Variants in SPMIP2 observed in about 807,000 individuals in gnomAD.
SPMIP2 encodes the protein sperm microtubule inner protein 2, also known as protein SPMIP2.
the SPMIP2 span, among the ~76,000 whole-genome samples, chr4:159,076,352 T>A: frequency 6.6e-6 from 1 of 152,232 alleles, no homozygotes; most frequent in African/African-American, 2.4e-5. Flanking sequence ...CAGCAAGCTA[T>A]AATTAATTTC....
chr4:159,037,547 G>T, the SPMIP2 span, among the ~76,000 whole-genome samples: 1 of 151,720 alleles, frequency 6.6e-6, no homozygotes, highest in Non-Finnish European at 1.5e-5. Flanking sequence ...GGGAGGTCGA[G>T]ATGGGTGAAT....
chr4:158,973,346 C>T, the SPMIP2 span: 3 of 1,317,328 alleles, frequency 2.3e-6, no homozygotes, highest in African/African-American at 1.5e-5. Flanking sequence ...AACTTCTCCA[C>T]ACTTTATTCT....
chr4:159,045,465 T>C, the SPMIP2 span, among the ~76,000 whole-genome samples: 2 of 152,218 alleles, frequency 1.3e-5, no homozygotes, highest in Non-Finnish European at 2.9e-5. Flanking sequence ...TCTTTATTAT[T>C]TTTAGGCCAT....
the SPMIP2 span, among the ~76,000 whole-genome samples, chr4:159,042,999 C>A: frequency 6.6e-6 from 1 of 152,106 alleles, no homozygotes; most frequent in Non-Finnish European, 1.5e-5. Flanking sequence ...TCTACTCTGA[C>A]CCCCAGGTCT....
chr4:159,079,460 G>A, the SPMIP2 span, among the ~76,000 whole-genome samples: 8 of 152,166 alleles, frequency 5.3e-5, no homozygotes, highest in East Asian at 1.9e-4. Flanking sequence ...CCAGAACTGC[G>A]AGAAATAAAT....
the SPMIP2 span, among the ~76,000 whole-genome samples, chr4:159,012,998 A>G: frequency 5.9e-5 from 9 of 152,330 alleles, no homozygotes; most frequent in East Asian, 1.9e-4. Context: ...TTAACTTTAC[A>G]TGTTTGAATA....
At chr4:159,053,221 G>T in the SPMIP2 span, among the ~76,000 whole-genome samples, 1 of 152,042 alleles carries the variant, frequency 6.6e-6, no homozygotes, top group Non-Finnish European at 1.5e-5. Context: ...CTCCCAAAGT[G>T]CTGGGATTAC....
chr4:158,908,453 C>T, the SPMIP2 span, among the ~76,000 whole-genome samples: 2 of 152,118 alleles, frequency 1.3e-5, no homozygotes, highest in Non-Finnish European at 2.9e-5. Context: ...TCCAGGAATG[C>T]AATTGTTGTA....
the SPMIP2 span, among the ~76,000 whole-genome samples, chr4:158,948,582 A>G: frequency 7.1e-6 from 1 of 141,710 alleles, no homozygotes; most frequent in African/African-American, 2.8e-5. Context: ...ACATGCCTGT[A>G]TGTGGTTTGT....
the SPMIP2 span, among the ~76,000 whole-genome samples, chr4:158,963,126 G>C: frequency 6.6e-6 from 1 of 152,006 alleles, no homozygotes; most frequent in Admixed American, 6.6e-5. Flanking sequence ...TAGTGTGCTT[G>C]TAACACTATA....
At chr4:158,910,383 C>G in the SPMIP2 span, among the ~76,000 whole-genome samples, 1 of 152,022 alleles carries the variant, frequency 6.6e-6, no homozygotes. Context: ...AGGCGATTCT[C>G]CTGCCTCAGC....
the SPMIP2 span, among the ~76,000 whole-genome samples, chr4:158,931,525 G>A: frequency 6.6e-6 from 1 of 151,878 alleles, no homozygotes; most frequent in Non-Finnish European, 1.5e-5. Flanking sequence ...CCAAAGTACT[G>A]GGATAATAGG....
the SPMIP2 span, among the ~76,000 whole-genome samples, chr4:159,042,790 G>A: frequency 6.6e-6 from 1 of 152,026 alleles, no homozygotes; most frequent in African/African-American, 2.4e-5. Context: ...AGCCTCCCGA[G>A]TAGCTGGGAC....
At chr4:158,924,735 T>A in the SPMIP2 span, among the ~76,000 whole-genome samples, 2 of 151,898 alleles carry the variant, frequency 1.3e-5, no homozygotes, top group Non-Finnish European at 2.9e-5. Context: ...TACTTGAACT[T>A]CTAGGCCCAA....
chr4:158,964,148 A>G, the SPMIP2 span, among the ~76,000 whole-genome samples: 3 of 121,494 alleles, frequency 2.5e-5, no homozygotes, highest in African/African-American at 5.7e-5. Context: ...GAGTGAGACT[A>G]TCTCAAAACA....
the SPMIP2 span, among the ~76,000 whole-genome samples, chr4:158,984,407 A>G: frequency 1.3e-5 from 2 of 150,334 alleles, no homozygotes; most frequent in Non-Finnish European, 3.0e-5. Flanking sequence ...GCGAATGTAA[A>G]AGAACAGAAA....
At chr4:159,035,017 C>T in the SPMIP2 span, 1 of 1,604,790 alleles carries the variant, frequency 6.2e-7, no homozygotes. Flanking sequence ...TGAAAGCAAA[C>T]ACAAAAACTA....
chr4:158,901,386 G>A, the SPMIP2 span, among the ~76,000 whole-genome samples: 14 of 151,984 alleles, frequency 9.2e-5, no homozygotes, highest in African/African-American at 3.1e-4. Context: ...TTCCCTTTGT[G>A]GGTAACCTGA....
chr4:158,983,907 A>G, the SPMIP2 span, among the ~76,000 whole-genome samples: 1 of 118,296 alleles, frequency 8.5e-6, no homozygotes, highest in African/African-American at 3.2e-5. Context: ...CCCATCTCAC[A>G]TGCAGAGACA....
Sources: gnomAD v4.1 joint callset for allele counts (sites outside exome capture counted in the v4.1 genomes callset) on GRCh38, gnomAD v4.1.1 for gene constraint, MANE v1.5 for transcripts, NCBI Gene and HGNC (gene_info 2026-07-23, HGNC 2026-07-21) for gene names.